POLR3K: variants seen among roughly 807,000 people sequenced by gnomAD.
POLR3K encodes RNA polymerase III subunit K, also known as DNA-directed RNA polymerase III subunit RPC10.
A neutral mutation model predicts 13.5 loss-of-function variants in POLR3K; 11 were observed. That is an observed-to-expected ratio of 0.81 (90% CI 0.51 to 1.35). POLR3K has a LOEUF of 1.35. Ranked by LOEUF, POLR3K falls within the 40% of genes most tolerant of loss-of-function variation. The pLI is 0.00. For synonymous variants in POLR3K, 56 were observed against 51.5 expected, an observed-to-expected ratio of 1.09 and a Z score of -0.38; for missense variants, 144 against 145.3, an observed-to-expected ratio of 0.99 and a Z score of 0.05.
chr16:51,819 G>C lies in POLR3K; in HGVS notation c.112-174C>G, dbSNP rs1897333724. On this transcript the variant is annotated intron_variant, in intron 1 of 2. Coordinates refer to ENST00000293860, the MANE Select transcript of POLR3K (RefSeq NM_016310.5). ...GCGGATCACGAGGTCAAGAGATCGA[G>C]ACCATCCTGGCTAACACGGTGAAAC... 22 of 543,588 alleles carry C rather than the reference G, an allele frequency of 4.0e-5. 1 individual carries two copies. In the South Asian group the frequency reaches 4.2e-4, roughly 10 times the overall value. 33.7% of individuals were successfully genotyped at this position (543,588 alleles called of 1,614,324 possible).
intron 2 of POLR3K, among the ~76,000 whole-genome samples, chr16:50,503 G>C (rs941647740): frequency 3.3e-5 from 5 of 151,986 alleles, no homozygotes; most frequent in Non-Finnish European, 5.9e-5. Flanking sequence ...CCTGAGACTG[G>C]GTAATTTATA....
intron 1 of POLR3K, 158 bp from the exon 2 acceptor site, chr16:51,803 G>A (rs1233303329): frequency 1.6e-5 from 9 of 570,772 alleles, no homozygotes; most frequent in Middle Eastern, 4.6e-4. Context: ...GGCGGATCAC[G>A]AGGTCAAGAG....
chr16:49,306 C>T (rs925951911), intron 2 of POLR3K, among the ~76,000 whole-genome samples: 7 of 150,224 alleles, frequency 4.7e-5, no homozygotes, highest in Non-Finnish European at 1.0e-4. Context: ...GGCGTGGTGG[C>T]GCATGCCTGT....
rs565763152 is a variant in POLR3K, at chr16:48,797, T to C, written c.200-1240A>G. On this transcript the variant is annotated intron_variant, in intron 2 of 2. Transcript: ENST00000293860. ...CTGCACTCCAGCTTGGGCAACAGAG[T>C]GAGACTCCATCTCAAAAAAAAAAAA... Among the ~76,000 whole-genome samples, 59 of 140,292 alleles carry C rather than the reference T, an allele frequency of 4.2e-4. 1 individual carries two copies. Among genetic ancestry groups the C allele is most frequent in the Non-Finnish European group, 6.7e-4 (44 of 65,460 alleles). The allele number at this position is 140,292 out of a possible 152,430, so 92.0% of individuals were successfully genotyped here.
In POLR3K at chr16:47,177, T is replaced by C. The variant is rs1018281403; in HGVS notation, c.*253A>G. 6.9e-6 allele frequency: 2 copies of C among 291,824 alleles called. No homozygotes were observed. The highest frequency in any genetic ancestry group is 4.3e-5 in the African/African-American group (2 of 46,398). 18.1% of individuals were successfully genotyped at this position (291,824 alleles called of 1,614,324 possible). A position where few individuals can be genotyped will look rare whatever the true frequency, so the allele number is the denominator to read the frequency against. On this transcript the variant is annotated 3_prime_UTR_variant, in exon 3 of 3. Transcript: ENST00000293860. ...AAAGTGGAAGATGAAAGAATAGGAC[T>C]TTACACAGAGCATATTTAGTTATGG...
chr16:53,373 G>T, intron 1 of POLR3K, 103 bp downstream of exon 1: 3 of 1,460,818 alleles, frequency 2.1e-6, no homozygotes, highest in Non-Finnish European at 2.7e-6. Flanking sequence ...GAGAAAGAGC[G>T]GACAGAGGCA....
intron 2 of POLR3K, 66 bp downstream of exon 2, chr16:51,492 A>C (rs1567150397): frequency 1.6e-6 from 2 of 1,273,852 alleles, no homozygotes; most frequent in Non-Finnish European, 2.3e-6. Flanking sequence ...AGACTCTGCC[A>C]AGCAGTGGCA....
chr16:47,331 T>C lies in POLR3K; in HGVS notation c.*99A>G, dbSNP rs1169452116. ...CAAAAGGTTTATCTTTCCACCACAC[T>C]AGCAAAGACCCTCAGGACACACAAC... is the stretch of plus-strand genomic sequence containing the variant. On this transcript the variant is annotated 3_prime_UTR_variant, in exon 3 of 3. Transcript: ENST00000293860. 4 of 1,444,080 alleles carry C rather than the reference T, an allele frequency of 2.8e-6. No homozygotes were observed. Among genetic ancestry groups the C allele is most frequent in the African/African-American group, 2.8e-5 (2 of 70,284 alleles). The allele number at this position is 1,444,080 out of a possible 1,614,324, so 89.5% of individuals were successfully genotyped here.
chr16:47,306 C>A lies in POLR3K; in HGVS notation c.*124G>T. 1 of 1,326,882 alleles carries A rather than the reference C, an allele frequency of 7.5e-7. No homozygotes were observed. Among genetic ancestry groups the A allele is most frequent in the Non-Finnish European group, 1.0e-6 (1 of 988,888 alleles). 82.2% of individuals were successfully genotyped at this position (1,326,882 alleles called of 1,614,324 possible). ...TTCCTGACCCCCTGGCTCTTCACCT[C>A]AAAAGGTTTATCTTTCCACCACACT... On this transcript the variant is annotated 3_prime_UTR_variant, in exon 3 of 3. Transcript: ENST00000293860.
At chr16:48,396 C>A (rs929612656) in intron 2 of POLR3K, among the ~76,000 whole-genome samples, 1 of 152,188 alleles carries the variant, frequency 6.6e-6, no homozygotes, top group African/African-American at 2.4e-5. Context: ...GGAAACGTAA[C>A]ATGGAAGGTG....
intron 2 of POLR3K, among the ~76,000 whole-genome samples, chr16:50,158 C>T (rs865783748): frequency 3.9e-5 from 6 of 152,060 alleles, no homozygotes; most frequent in African/African-American, 9.7e-5. Context: ...GGGGTTTCAC[C>T]GTGTTAGCCA....
rs1159326807 is a variant in POLR3K, at chr16:46,790, C to T, written c.*640G>A. 2.6e-5 allele frequency: 4 copies of T among 151,314 alleles called. No homozygotes were observed. Among genetic ancestry groups the T allele is most frequent in the East Asian group, 1.9e-4 (1 of 5,162 alleles). 9.4% of individuals were successfully genotyped at this position (151,314 alleles called of 1,614,324 possible). ...AGTATCTTATACATTTAAAGCAACC[C>T]GAGGAAGCAAATCAGGGGAGGTTCA... On this transcript the variant is annotated 3_prime_UTR_variant, in exon 3 of 3. Coordinates refer to ENST00000293860, the MANE Select transcript of POLR3K (RefSeq NM_016310.5).
chr16:47,853 A>C (rs1413377805), intron 2 of POLR3K, among the ~76,000 whole-genome samples: 1 of 141,824 alleles, frequency 7.1e-6, no homozygotes, highest in Non-Finnish European at 1.6e-5. Context: ...TGCACTCAAA[A>C]AAAAAAAAAA....
intron 2 of POLR3K, among the ~76,000 whole-genome samples, chr16:48,391 C>T (rs773694764): frequency 6.6e-6 from 1 of 152,120 alleles, no homozygotes; most frequent in South Asian, 2.1e-4. Context: ...TGGTTGGAAA[C>T]GTAACATGGA....
chr16:50,273 T>C (rs562918861), intron 2 of POLR3K, among the ~76,000 whole-genome samples: 3 of 152,050 alleles, frequency 2.0e-5, no homozygotes, highest in African/African-American at 7.2e-5. Flanking sequence ...TGTTCTTTTA[T>C]AGGGGGAAAA....
At position 53,447 on chromosome 16, in the gene POLR3K, C is replaced by G. The variant is rs756259540; in HGVS notation, c.111+29G>C. On this transcript the variant is annotated intron_variant, in intron 1 of 2. Coordinates refer to ENST00000293860, the MANE Select transcript of POLR3K (RefSeq NM_016310.5). ...ACGCGGAAGGCCTGCGAGAGTCGCC[C>G]GCGCCCAGCGCCGGCCTTCGGGTCC... 3 of 1,429,630 alleles carry G rather than the reference C, an allele frequency of 2.1e-6. No homozygotes were observed. The South Asian group carries it at 3.6e-5, about 17-fold the overall frequency. 88.6% of individuals were successfully genotyped at this position (1,429,630 alleles called of 1,614,324 possible). A position where few individuals can be genotyped will look rare whatever the true frequency, so the allele number is the denominator to read the frequency against.
intron 2 of POLR3K, 108 bp from the exon 3 acceptor site, chr16:47,665 T>C: frequency 8.5e-7 from 1 of 1,182,380 alleles, no homozygotes; most frequent in South Asian, 1.4e-5. Context: ...GCGGATCACC[T>C]GAGGTCAGGA....
intron 2 of POLR3K, among the ~76,000 whole-genome samples, chr16:50,812 C>T (rs1046515378): frequency 1.3e-5 from 2 of 152,224 alleles, no homozygotes; most frequent in African/African-American, 2.4e-5. Context: ...GCGTGAGCCA[C>T]GACACCCAGC....
At chr16:53,235 C>T (rs748388172) in intron 1 of POLR3K, 179 of 723,354 alleles carry the variant, frequency 2.5e-4, no homozygotes, top group Non-Finnish European at 3.3e-4. Context: ...TCACCGTGGC[C>T]GCCGCTGTGA....
Sources: allele counts gnomAD v4.1 joint callset (sites outside exome capture counted in the v4.1 genomes callset), GRCh38; gene constraint gnomAD v4.1.1; transcripts MANE v1.5; gene names NCBI Gene and HGNC (gene_info 2026-07-23, HGNC 2026-07-21).